NTRK3: variants seen among roughly 807,000 people sequenced by gnomAD.
The protein encoded by NTRK3 is neurotrophic receptor tyrosine kinase 3.
In NTRK3, 24 loss-of-function variants were observed where a neutral mutation model predicts 91.7. That is an observed-to-expected ratio of 0.26 (90% CI 0.19 to 0.37). The LOEUF (loss-of-function observed/expected upper bound fraction) is 0.37. Ranked by LOEUF, NTRK3 falls within the 10% of genes least tolerant of loss-of-function variation. The pLI, the probability that NTRK3 is intolerant of heterozygous loss-of-function variation, is 1.00. For missense variants in NTRK3, 880 were observed against 1,068.9 expected, an observed-to-expected ratio of 0.82 and a Z score of 2.46; for synonymous variants, 483 against 404.0, an observed-to-expected ratio of 1.20 and a Z score of -2.34.
intron 13 of NTRK3, among the ~76,000 whole-genome samples, chr15:88,111,024 G>A (rs1241057767): frequency 6.6e-6 from 1 of 152,172 alleles, no homozygotes; most frequent in East Asian, 1.9e-4. Context: ...GCATGGAGGG[G>A]TAAAGAGATG....
intron 5 of NTRK3, among the ~76,000 whole-genome samples, chr15:88,168,253 T>C (rs2045174520): frequency 6.6e-6 from 1 of 152,158 alleles, no homozygotes; most frequent in Non-Finnish European, 1.5e-5. Context: ...CAACAGGGAC[T>C]AGTCACTGCT....
At chr15:87,889,552 A>G (rs1032186948) in intron 17 of NTRK3, among the ~76,000 whole-genome samples, 2 of 151,864 alleles carry the variant, frequency 1.3e-5, no homozygotes, top group Non-Finnish European at 2.9e-5. Context: ...TTACAGGCAC[A>G]TGGCACCATG....
chr15:88,057,183 A>AT (rs2045787465), intron 13 of NTRK3, among the ~76,000 whole-genome samples: 1 of 148,272 alleles, frequency 6.7e-6, no homozygotes, highest in Non-Finnish European at 1.5e-5. Context: ...AAAAAAAAAA[A>AT]GAAAAAAAGA....
At chr15:88,104,194 C>T (rs539316635) in intron 13 of NTRK3, among the ~76,000 whole-genome samples, 1 of 152,360 alleles carries the variant, frequency 6.6e-6, no homozygotes, top group South Asian at 2.1e-4. Context: ...GTCAGGGACA[C>T]ATCCACCTTT....
chr15:87,888,652 G>A (rs2065682555), intron 17 of NTRK3, among the ~76,000 whole-genome samples: 1 of 152,142 alleles, frequency 6.6e-6, no homozygotes, highest in African/African-American at 2.4e-5. Flanking sequence ...CGTTAGCAGG[G>A]CTGCCAGATT....
intron 10 of NTRK3, among the ~76,000 whole-genome samples, chr15:88,132,456 C>T (rs1268093765): frequency 6.6e-6 from 1 of 152,152 alleles, no homozygotes. Flanking sequence ...TGCACTAAGC[C>T]CCATGCTAGG....
intron 4 of NTRK3, among the ~76,000 whole-genome samples, chr15:88,184,024 G>A (rs572588710): frequency 4.1e-4 from 62 of 152,320 alleles, no homozygotes; most frequent in African/African-American, 1.5e-3. Flanking sequence ...AGACTAGGGT[G>A]AGACAAAGGG....
intron 17 of NTRK3, among the ~76,000 whole-genome samples, chr15:87,891,519 G>C (rs1326274323): frequency 6.6e-6 from 1 of 152,110 alleles, no homozygotes; most frequent in Non-Finnish European, 1.5e-5. Context: ...TCCTCCTACA[G>C]ATAACCATTT....
At chr15:88,108,736 T>C (rs910957850) in intron 13 of NTRK3, among the ~76,000 whole-genome samples, 1 of 152,232 alleles carries the variant, frequency 6.6e-6, no homozygotes, top group Non-Finnish European at 1.5e-5. Context: ...TGAGTCTCCC[T>C]CACTTGGAAG....
chr15:87,983,084 C>G (rs2074433975), intron 14 of NTRK3, among the ~76,000 whole-genome samples: 10 of 152,260 alleles, frequency 6.6e-5, no homozygotes, highest in Admixed American at 6.5e-4. Context: ...AGTCCCAATA[C>G]CAAATGCAGT....
At chr15:88,160,403 A>G (rs1386637435) in intron 5 of NTRK3, among the ~76,000 whole-genome samples, 2 of 152,200 alleles carry the variant, frequency 1.3e-5, no homozygotes, top group South Asian at 2.1e-4. Context: ...TGCCTGAGGT[A>G]GTGTCCTAGA....
chr15:87,905,774 C>T (rs943537348), intron 17 of NTRK3, among the ~76,000 whole-genome samples: 3 of 152,180 alleles, frequency 2.0e-5, no homozygotes, highest in Non-Finnish European at 2.9e-5. Flanking sequence ...CTCCTTCCAA[C>T]GTGCGTGAGC....
chr15:87,999,782 T>C (rs2075966739), intron 14 of NTRK3, among the ~76,000 whole-genome samples: 1 of 152,170 alleles, frequency 6.6e-6, no homozygotes. Flanking sequence ...CAATAGAGGC[T>C]TACTAAAGAA....
rs898223046 is a variant in NTRK3, at chr15:87,959,457, T to C, written c.1586-18704A>G. 1.1e-4 allele frequency among the ~76,000 whole-genome samples: 17 copies of C among 152,176 alleles called. 1 individual carries two copies. The highest frequency in any genetic ancestry group is 4.1e-4 in the African/African-American group (17 of 41,440). ...AGCACCAACTGAGATGGCTGCAGCTTCAGCAGATCCGAATTCTGAAACCAA... is the reference window on the plus strand; with the variant it reads ...AGCACCAACTGAGATGGCTGCAGCTCCAGCAGATCCGAATTCTGAAACCAA... On this transcript the variant is annotated intron_variant, in intron 14 of 18. Transcript: ENST00000394480.
intron 5 of NTRK3, among the ~76,000 whole-genome samples, chr15:88,157,912 C>T (rs1339166147): frequency 6.6e-6 from 1 of 152,170 alleles, no homozygotes; most frequent in East Asian, 1.9e-4. Flanking sequence ...CAAACCAGGG[C>T]AGCTGAGGGA....
chr15:87,883,825 T>C (rs1480225843), intron 17 of NTRK3, among the ~76,000 whole-genome samples: 1 of 151,078 alleles, frequency 6.6e-6, no homozygotes, highest in Non-Finnish European at 1.5e-5. Flanking sequence ...AAGAAAAAAC[T>C]GAAAATAAAA....
At chr15:88,085,501 G>T (rs1221671459) in intron 13 of NTRK3, among the ~76,000 whole-genome samples, 4 of 152,120 alleles carry the variant, frequency 2.6e-5, no homozygotes, top group Non-Finnish European at 5.9e-5. Flanking sequence ...GAGAAACATG[G>T]GGCACACCAG....
In NTRK3 at chr15:88,091,145, C is replaced by G. The variant is rs112428464; in HGVS notation, c.1396+35126G>C. On this transcript the variant is annotated intron_variant, in intron 13 of 18. Transcript: ENST00000394480. Reference sequence around the variant, plus strand: ...GAGGAGCCATGCTAAATTGGGAACCCGTTTTACTACCTGCAGCTTATCTTT... The same window carrying G: ...GAGGAGCCATGCTAAATTGGGAACCGGTTTTACTACCTGCAGCTTATCTTT... Among the ~76,000 whole-genome samples, 842 of 152,184 alleles carry G rather than the reference C, an allele frequency of 5.5e-3. 7 individuals carry two copies. The highest frequency in any genetic ancestry group is 0.048 in the Middle Eastern group (14 of 294).
At chr15:87,960,420 G>A (rs1013194745) in intron 14 of NTRK3, among the ~76,000 whole-genome samples, 3 of 151,152 alleles carry the variant, frequency 2.0e-5, no homozygotes, top group South Asian at 2.1e-4. Context: ...TCTAGCACCC[G>A]TCTCTCTTCA....
Sources: gnomAD v4.1 joint callset for allele counts (sites outside exome capture counted in the v4.1 genomes callset) on GRCh38, gnomAD v4.1.1 for gene constraint, MANE v1.5 for transcripts, NCBI Gene and HGNC (gene_info 2026-07-23, HGNC 2026-07-21) for gene names.